The following CORO2B variants were observed in gnomAD, a reference collection of about 807,000 sequenced individuals.
The protein encoded by CORO2B is coronin 2B, also known as coronin-2B.
CORO2B carries 26 observed loss-of-function variants against 58.8 expected under a neutral mutation model. The ratio of observed to expected loss-of-function variants is 0.44; its 90% CI spans 0.32 to 0.61. The LOEUF (loss-of-function observed/expected upper bound fraction) is 0.61. CORO2B is among the 20% of genes least tolerant of loss of function. The probability of loss-of-function intolerance (pLI) is 0.04; values close to 1 mark genes in which losing one functional copy is unlikely to be tolerated. For synonymous variants in CORO2B, 242 were observed against 253.8 expected (o/e 0.95, Z 0.44); for missense variants, 460 against 645.1 (o/e 0.71, Z 3.11).
intron 2 of CORO2B, among the ~76,000 whole-genome samples, chr15:68,677,511 T>C (rs1902627612): frequency 6.6e-6 from 1 of 152,178 alleles, no homozygotes; most frequent in African/African-American, 2.4e-5. Context: ...AGGCAGCTTT[T>C]CTGGGAAAGG....
At chr15:68,630,423 T>G (rs903881027) in intron 1 of CORO2B, among the ~76,000 whole-genome samples, 2 of 54,906 alleles carry the variant, frequency 3.6e-5, no homozygotes, top group Non-Finnish European at 6.9e-5. Context: ...AAATGAAATG[T>G]TTTTTTTTTG....
Position 68,704,039 on chromosome 15 carries a change from TACACACAC to T in CORO2B, c.334-6659_334-6652del, listed in dbSNP as rs10566834. 5.5e-3 allele frequency among the ~76,000 whole-genome samples: 708 copies of T among 128,126 alleles called. 5 individuals carry two copies. The highest frequency in any genetic ancestry group is 0.017 in the South Asian group (67 of 3,844). The allele number at this position is 128,126 out of a possible 152,430, so 84.1% of individuals were successfully genotyped here. A position where few individuals can be genotyped will look rare whatever the true frequency, so the allele number is the denominator to read the frequency against. On this transcript the variant is annotated intron_variant, in intron 3 of 11. Coordinates refer to ENST00000261861, the MANE Select transcript of CORO2B (RefSeq NM_006091.5). ...CAAAAACCCTTTCTCTACACACACA[TACACACAC>T]ACACACACACACACACACACACACA...
chr15:68,572,964 C>T, the CORO2B span, among the ~76,000 whole-genome samples: 1 of 152,182 alleles, frequency 6.6e-6, no homozygotes, highest in African/African-American at 2.4e-5. Flanking sequence ...CATTTCCACA[C>T]ATGCACACAC....
At chr15:68,706,892 TG>T (rs1191683774) in intron 3 of CORO2B, among the ~76,000 whole-genome samples, 2 of 152,160 alleles carry the variant, frequency 1.3e-5, no homozygotes, top group Admixed American at 6.5e-5. Flanking sequence ...TTTCCTTTTT[TG>T]TAAAGATGGG....
chr15:68,579,752 T>C (rs898648095), intron 1 of CORO2B, among the ~76,000 whole-genome samples: 1 of 152,152 alleles, frequency 6.6e-6, no homozygotes, highest in Non-Finnish European at 1.5e-5. Context: ...CCGGGAGCGC[T>C]GGCTCCACTC....
At chr15:68,589,295 G>C (rs1188067589) in intron 1 of CORO2B, among the ~76,000 whole-genome samples, 1 of 152,238 alleles carries the variant, frequency 6.6e-6, no homozygotes, top group Non-Finnish European at 1.5e-5. Context: ...TGAAGCTAGA[G>C]ATTAGGTCTG....
intron 1 of CORO2B, among the ~76,000 whole-genome samples, chr15:68,594,135 G>A (rs1899771108): frequency 6.6e-6 from 1 of 152,142 alleles, no homozygotes; most frequent in African/African-American, 2.4e-5. Flanking sequence ...GGTGTTTGGG[G>A]GAGACATAAA....
chr15:68,519,069 G>A, the CORO2B span, among the ~76,000 whole-genome samples: 10 of 152,174 alleles, frequency 6.6e-5, no homozygotes, highest in East Asian at 1.9e-3. Flanking sequence ...TGACCCAGAT[G>A]CTCAGTCCTG....
chr15:68,648,622 C>G (rs1184412692), intron 2 of CORO2B, among the ~76,000 whole-genome samples: 4 of 152,168 alleles, frequency 2.6e-5, no homozygotes, highest in South Asian at 2.1e-4. Flanking sequence ...TGCACTCCAG[C>G]CTGGGCCACA....
chr15:68,539,836 T>C, the CORO2B span, among the ~76,000 whole-genome samples: 2 of 152,208 alleles, frequency 1.3e-5, no homozygotes, highest in Admixed American at 1.3e-4. Context: ...AGTGACATTG[T>C]TTGGAAATCT....
chr15:68,532,895 T>C, the CORO2B span, among the ~76,000 whole-genome samples: 1 of 152,196 alleles, frequency 6.6e-6, no homozygotes, highest in Admixed American at 6.5e-5. Flanking sequence ...AGCCTAAACA[T>C]CTCCTTACCT....
the CORO2B span, among the ~76,000 whole-genome samples, chr15:68,545,018 G>A: frequency 6.6e-5 from 10 of 152,140 alleles, no homozygotes; most frequent in African/African-American, 2.4e-4. Context: ...CTCGTGATCC[G>A]CCCACCTCGC....
chr15:68,722,372 T>C (rs1456434318), intron 11 of CORO2B, among the ~76,000 whole-genome samples: 1 of 152,234 alleles, frequency 6.6e-6, no homozygotes, highest in African/African-American at 2.4e-5. Flanking sequence ...TCCACAGTTT[T>C]AATCATCGTA....
chr15:68,670,311 A>C (rs1267645469), intron 2 of CORO2B, among the ~76,000 whole-genome samples: 1 of 152,002 alleles, frequency 6.6e-6, no homozygotes, highest in African/African-American at 2.4e-5. Context: ...AGTAGCTGGG[A>C]CTTCAGGTGT....
At chr15:68,700,199 A>G (rs1488039492) in intron 3 of CORO2B, among the ~76,000 whole-genome samples, 2 of 152,108 alleles carry the variant, frequency 1.3e-5, no homozygotes, top group Non-Finnish European at 2.9e-5. Context: ...ATCCAGACCC[A>G]GGCTTGGGAG....
intron 4 of CORO2B, 77 bp from the exon 5 acceptor site, chr15:68,711,465 T>C: frequency 7.3e-7 from 1 of 1,363,170 alleles, no homozygotes. Flanking sequence ...CCCAGGGCAG[T>C]CAAGTGTGCA....
chr15:68,675,425 A>G (rs537983001), intron 2 of CORO2B, among the ~76,000 whole-genome samples: 1 of 152,224 alleles, frequency 6.6e-6, no homozygotes. Context: ...TGAGGGCAGG[A>G]ATAGCATCTT....
At chr15:68,592,601 G>T (rs770165582) in intron 1 of CORO2B, among the ~76,000 whole-genome samples, 1 of 152,138 alleles carries the variant, frequency 6.6e-6, no homozygotes, top group Non-Finnish European at 1.5e-5. Flanking sequence ...AATGAAAAAA[G>T]ATTCTTCCCA....
At chr15:68,672,159 G>GGTGTGTGTGTGTGTGGGT (rs1555415408) in intron 2 of CORO2B, among the ~76,000 whole-genome samples, 4 of 146,178 alleles carry the variant, frequency 2.7e-5, no homozygotes, top group African/African-American at 7.6e-5. Context: ...GTAATCGGGA[G>GGTGTGTGTGTGTGTGGGT]GTGTGTGTGT....
Sources: allele counts gnomAD v4.1 joint callset (sites outside exome capture counted in the v4.1 genomes callset), GRCh38; gene constraint gnomAD v4.1.1; transcripts MANE v1.5; gene names NCBI Gene and HGNC (gene_info 2026-07-23, HGNC 2026-07-21).